Variants in PHC2 observed in about 807,000 individuals in gnomAD.
The protein encoded by PHC2 is polyhomeotic homolog 2, also known as polyhomeotic-like protein 2.
A neutral mutation model predicts 87.4 loss-of-function variants in PHC2; 29 were observed. The observed-to-expected ratio is 0.33, with a 90% CI of 0.25 to 0.45. The LOEUF (loss-of-function observed/expected upper bound fraction) is 0.45, where lower values mean the gene tolerates loss of function less well. Ranked by LOEUF, PHC2 falls within the 20% of genes least tolerant of loss-of-function variation. PHC2 has a pLI of 1.00. For missense variants in PHC2, 857 were observed against 1,136.7 expected (o/e 0.75, Z 3.54); for synonymous variants, 438 against 461.7 (o/e 0.95, Z 0.66).
At chr1:33,355,530 C>T (rs1434539936) in intron 7 of PHC2, among the ~76,000 whole-genome samples, 1 of 152,220 alleles carries the variant, frequency 6.6e-6, no homozygotes, top group African/African-American at 2.4e-5. Flanking sequence ...AAAAACTCAC[C>T]TCCTCTGTGA....
chr1:33,407,152 C>T (rs1248941795), intron 1 of PHC2, among the ~76,000 whole-genome samples: 1 of 152,098 alleles, frequency 6.6e-6, no homozygotes, highest in African/African-American at 2.4e-5. Context: ...TTTATAGATT[C>T]CCTTCTTGCA....
At chr1:33,422,860 C>T (rs1650484295) in intron 1 of PHC2, among the ~76,000 whole-genome samples, 1 of 151,974 alleles carries the variant, frequency 6.6e-6, no homozygotes, top group Non-Finnish European at 1.5e-5. Context: ...TACCTTTATA[C>T]ATCTCAACTT....
At chr1:33,367,644 C>A (rs1197259116) in intron 6 of PHC2, among the ~76,000 whole-genome samples, 2 of 152,138 alleles carry the variant, frequency 1.3e-5, no homozygotes, top group African/African-American at 2.4e-5. Context: ...CATCCAGCAG[C>A]AGAAGAGGCT....
chr1:33,428,226 C>G (rs1310294569), intron 1 of PHC2, among the ~76,000 whole-genome samples: 1 of 152,148 alleles, frequency 6.6e-6, no homozygotes, highest in Non-Finnish European at 1.5e-5. Flanking sequence ...CATACTACAC[C>G]ACCACTCTCA....
chr1:33,384,533 T>C (rs140726665), intron 1 of PHC2, among the ~76,000 whole-genome samples: 49 of 152,304 alleles, frequency 3.2e-4, no homozygotes, highest in Middle Eastern at 3.4e-3. Flanking sequence ...TTCCTGTTTC[T>C]CTCCAGCTTC....
At chr1:33,400,562 A>T (rs1649482072) in intron 1 of PHC2, among the ~76,000 whole-genome samples, 1 of 152,212 alleles carries the variant, frequency 6.6e-6, no homozygotes, top group Admixed American at 6.5e-5. Context: ...CTTTGACCAT[A>T]TTATAAATGA....
Position 33,383,263 on chromosome 1 carries a change from G to A in PHC2, c.-54-7670C>T, listed in dbSNP as rs191140100. Among the ~76,000 whole-genome samples, 473 of 152,298 alleles carry A rather than the reference G, an allele frequency of 3.1e-3. 1 individual carries two copies. Among genetic ancestry groups the A allele is most frequent in the African/African-American group, 0.011 (454 of 41,566 alleles). ...CTCACTGGGAGCAGTCCAAATGGAT[G>A]CAGCTCAAACCATCTCAAAAGGTCC... is the stretch of plus-strand genomic sequence containing the variant. On this transcript the variant is annotated intron_variant, in intron 1 of 14. Transcript: ENST00000683057.
chr1:33,405,789 A>G (rs1649738224), intron 1 of PHC2, among the ~76,000 whole-genome samples: 1 of 150,498 alleles, frequency 6.6e-6, no homozygotes, highest in South Asian at 2.1e-4. Flanking sequence ...TAATTTCCAA[A>G]TATTGGTATT....
At chr1:33,360,259 T>C (rs958651605) in intron 7 of PHC2, among the ~76,000 whole-genome samples, 1 of 152,276 alleles carries the variant, frequency 6.6e-6, no homozygotes, top group Non-Finnish European at 1.5e-5. Context: ...TTAGGCCTGT[T>C]CTGCAGCCCT....
chr1:33,427,778 C>T (rs1373272994), intron 1 of PHC2, among the ~76,000 whole-genome samples: 3 of 152,234 alleles, frequency 2.0e-5, no homozygotes, highest in East Asian at 3.8e-4. Flanking sequence ...GCCTTGGCAT[C>T]TGTCAGGTAC....
chr1:33,379,330 C>G, intron 1 of PHC2, among the ~76,000 whole-genome samples: 1 of 77,624 alleles, frequency 1.3e-5, no homozygotes, highest in Admixed American at 1.4e-4. Context: ...GCCCCCCTGC[C>G]CCCCACCCCC....
rs201877577 is a variant in PHC2, at chr1:33,336,002, T to G, written c.1559-1710A>C. On this transcript the variant is annotated intron_variant, in intron 9 of 14. Transcript: ENST00000683057. ...TGTTGTTGTTGTTGTTGTTGTTTTTTTTTTTAGATGGAGTCTCACTCTGTC... is the reference window on the plus strand; with the variant it reads ...TGTTGTTGTTGTTGTTGTTGTTTTTGTTTTTAGATGGAGTCTCACTCTGTC... Among the ~76,000 whole-genome samples the G allele has an allele frequency of 8.9e-4, 69 of 77,940 alleles. No individual in the cohort carries two copies. In the East Asian group the frequency reaches 0.014, roughly 16 times the overall value. The allele number at this position is 77,940 out of a possible 152,430, so 51.1% of individuals were successfully genotyped here. A position where few individuals can be genotyped will look rare whatever the true frequency, so the allele number is the denominator to read the frequency against.
chr1:33,330,882 A>G (rs1473200991), intron 12 of PHC2, among the ~76,000 whole-genome samples: 1 of 152,230 alleles, frequency 6.6e-6, no homozygotes, highest in African/African-American at 2.4e-5. Flanking sequence ...CTTGGGAGTT[A>G]TTTTGAAGAT....
At chr1:33,333,197 C>A (rs1349206573) in intron 10 of PHC2, 1 of 152,260 alleles carries the variant, frequency 6.6e-6, no homozygotes, top group Non-Finnish European at 1.5e-5. Flanking sequence ...CCTTGGACAA[C>A]CTCCAGTGGG....
At chr1:33,376,781 T>C (rs1029688861) in intron 1 of PHC2, among the ~76,000 whole-genome samples, 1 of 151,992 alleles carries the variant, frequency 6.6e-6, no homozygotes, top group Non-Finnish European at 1.5e-5. Flanking sequence ...ATACAAAAAT[T>C]AGTTGGGCAT....
intron 9 of PHC2, among the ~76,000 whole-genome samples, chr1:33,338,626 A>T (rs142714746): frequency 6.6e-6 from 1 of 152,366 alleles, no homozygotes; most frequent in Non-Finnish European, 1.5e-5. Flanking sequence ...CTTTGGGGAA[A>T]AGCAGCTTAA....
Position 33,372,323 on chromosome 1 carries a change from C to T in PHC2, c.299G>A (p.Ser100Asn). 1 of 1,600,106 alleles carries T rather than the reference C, an allele frequency of 6.2e-7. No individual in the cohort carries two copies. The highest frequency in any genetic ancestry group is 8.5e-7 in the Non-Finnish European group (1 of 1,171,378). Residue 100 changes from serine to asparagine, a missense_variant, in exon 3 of 15, where the codon AGC (serine) becomes AAC (asparagine). Physicochemically the swap from Ser to Asn is conservative, Grantham distance 46 (BLOSUM62 1). Around this residue, in one of 3 missense-constraint regions of PHC2, gnomAD observed 832 missense variants for 1,081.8 expected, o/e 0.77. Coordinates refer to ENST00000683057, the MANE Select transcript of PHC2 (RefSeq NM_001385109.1). ...TAALQQQHLS[S>N]AQLQSLAAVQ... ...GGCTGCCAGGCTCTGGAGCTGGGCG[C>T]TGCTGAGGTGCTGCTGCTGGAGCGC...
At position 33,332,318 on chromosome 1, in the gene PHC2, G is replaced by A; in HGVS notation, c.1848C>T (p.His616=). 1 of 1,614,166 alleles carries A rather than the reference G, an allele frequency of 6.2e-7. No individual in the cohort carries two copies. The highest frequency in any genetic ancestry group is 2.2e-5 in the East Asian group (1 of 44,874). Residue 616 remains histidine (H), a synonymous_variant, in exon 11 of 15, where the codon CAC becomes CAT. Coordinates refer to ENST00000683057, the MANE Select transcript of PHC2 (RefSeq NM_001385109.1). This position sits in a 1 kb window ranked among gnomAD's most constrained non-coding sequence, Gnocchi z 4.2. ...CCATCTCCGAGTCAGTGGTGGTGGT[G>A]TGATCCTGCTGTGGAAGTTTCTCAG... is the stretch of plus-strand genomic sequence containing the variant. ...FLPEKLPQQD[H]TTTTDSEMEE...
intron 1 of PHC2, among the ~76,000 whole-genome samples, chr1:33,414,977 T>A (rs1350446063): frequency 6.6e-6 from 1 of 152,036 alleles, no homozygotes; most frequent in African/African-American, 2.4e-5. Flanking sequence ...TAGAAAGAAA[T>A]GGTTTTCATA....
Sources: gnomAD v4.1 joint callset for allele counts (sites outside exome capture counted in the v4.1 genomes callset) on GRCh38, gnomAD v4.1.1 for gene constraint, gnomAD v4.1.1 regional missense constraint, Gnocchi (gnomAD v3.1) non-coding constraint, MANE v1.5 for transcripts, NCBI Gene and HGNC (gene_info 2026-07-23, HGNC 2026-07-21) for gene names.